Variants in VCP observed in about 807,000 individuals in gnomAD.
VCP encodes the protein transitional endoplasmic reticulum ATPase.
A neutral mutation model predicts 85.7 loss-of-function variants in VCP; 6 were observed. That is an observed-to-expected ratio of 0.07 (90% CI 0.04 to 0.14). The LOEUF (loss-of-function observed/expected upper bound fraction) is 0.14, where lower values mean the gene tolerates loss of function less well. Ranked by LOEUF, VCP falls within the 10% of genes least tolerant of loss-of-function variation. VCP has a pLI of 1.00. For synonymous variants in VCP, 384 were observed against 367.1 expected, an observed-to-expected ratio of 1.05 and a Z score of -0.53; for missense variants, 353 against 1,043.4, an observed-to-expected ratio of 0.34 and a Z score of 9.12.
At position 35,059,872 on chromosome 9, in the gene VCP, C is replaced by A; in HGVS notation, c.1696-71G>T. The A allele has an allele frequency of 5.6e-6, 9 of 1,600,208 alleles. No homozygotes were observed. The highest frequency in any genetic ancestry group is 7.7e-6 in the Non-Finnish European group (9 of 1,169,308). On this transcript the variant is annotated intron_variant, in intron 13 of 16. Transcript: ENST00000358901. This position sits in a 1 kb window ranked among gnomAD's most constrained non-coding sequence, Gnocchi z 4.9. ...CTCTAGGCAAACGTGGTGGCTCACA[C>A]CTGTATTCCCAGCACTTTGGGAGGC...
chr9:35,064,342 TGA>T lies in VCP; in HGVS notation c.577-59_577-58del. 3.1e-6 allele frequency: 5 copies of T among 1,606,200 alleles called. No individual in the cohort carries two copies. The South Asian group carries it at 4.4e-5, about 14-fold the overall frequency. On this transcript the variant is annotated intron_variant, in intron 5 of 16. Coordinates refer to ENST00000358901, the MANE Select transcript of VCP (RefSeq NM_007126.5). ...GCAAGAATATTATATCAGCAAAAGCTGAGTTTCTCTAAATCATTCCACTACCT... is the reference window on the plus strand; with the variant it reads ...GCAAGAATATTATATCAGCAAAAGCTGTTTCTCTAAATCATTCCACTACCT...
chr9:35,072,217 T>G (rs1448806940), intron 1 of VCP, 120 bp downstream of exon 1: 5 of 1,449,266 alleles, frequency 3.5e-6, no homozygotes, highest in Non-Finnish European at 9.1e-7. Flanking sequence ...TAGCTTCCCT[T>G]CCCTCTTTCC....
intron 1 of VCP, 27 bp downstream of exon 1, chr9:35,072,310 G>A (rs1305305231): frequency 1.3e-6 from 2 of 1,483,586 alleles, no homozygotes; most frequent in East Asian, 2.8e-5. Flanking sequence ...CGCCGCCGCA[G>A]CAAGCGAACG....
chr9:35,071,300 T>G (rs905912413), intron 1 of VCP, among the ~76,000 whole-genome samples: 18 of 30,490 alleles, frequency 5.9e-4, no homozygotes, highest in Non-Finnish European at 1.4e-3. Context: ...TGTGTTTTTT[T>G]TTTTTTTTTT....
At chr9:35,069,130 A>G (rs1828889807) in intron 1 of VCP, among the ~76,000 whole-genome samples, 1 of 152,220 alleles carries the variant, frequency 6.6e-6, no homozygotes. Context: ...AAGGAATGCC[A>G]AGCATAAAGA....
Position 35,061,559 on chromosome 9 carries a change from CCAT to C in VCP, c.1194+15_1194+17del, listed in dbSNP as rs886038581. On this transcript the variant is annotated intron_variant, in intron 10 of 16. Transcript: ENST00000358901. The stretch of plus-strand genomic sequence containing the variant: ...TAGAGACACTGTAACGCCTGGTCAG[CCAT>C]CATCATCACTTCACCTGTTCCAGGT... 43 of 1,609,480 alleles carry C rather than the reference CCAT, an allele frequency of 2.7e-5. 1 individual carries two copies. The Middle Eastern group carries it at 5.9e-3, about 223-fold the overall frequency.
chr9:35,059,601 G>C lies in VCP; in HGVS notation c.1896C>G (p.Ala632=), dbSNP rs141275388. The C allele has an allele frequency of 6.2e-6, 10 of 1,614,048 alleles. No homozygotes were observed. The African/African-American group carries it at 1.3e-4, about 22-fold the overall frequency. The change falls in exon 14 of 17, where the codon GCC becomes GCG. Residue 632 remains alanine (A), a synonymous_variant. Coordinates refer to ENST00000358901, the MANE Select transcript of VCP (RefSeq NM_007126.5). This position sits in a 1 kb window ranked among gnomAD's most constrained non-coding sequence, Gnocchi z 4.9. ...GATCAAGACGGCCAGGTCTGAGGATGGCAGGATCAATGATGTCAGGCCGGT... is the reference window on the plus strand; with the variant it reads ...GATCAAGACGGCCAGGTCTGAGGATCGCAGGATCAATGATGTCAGGCCGGT... ...ATNRPDIIDP[A]ILRPGRLDQL...
rs1179577105 is a variant in VCP at position 35,057,691 on chromosome 9, TA to T, written c.2161-162del. ...CCTAAAATTGAGTCACTGCTCTGCT[TA>T]AAAACTTGTCAATGCACTCTGGAAA... is the stretch of plus-strand genomic sequence containing the variant. On this transcript the variant is annotated intron_variant, in intron 15 of 16. Transcript: ENST00000358901. The T allele has an allele frequency of 5.3e-6, 5 of 937,686 alleles. No individual in the cohort carries two copies. In the Admixed American group the frequency reaches 9.2e-5, roughly 17 times the overall value. 58.1% of individuals were successfully genotyped at this position (937,686 alleles called of 1,614,324 possible).
rs139707968 is a variant in VCP at position 35,058,887 on chromosome 9, G to A, written c.2160+177C>T. On this transcript the variant is annotated intron_variant, in intron 15 of 16. Coordinates refer to ENST00000358901, the MANE Select transcript of VCP (RefSeq NM_007126.5). ...GAATGGAGCCTGACCATCTCTTCTC[G>A]GCCTTATTCCAAATTGAATGGATTC... Among the ~76,000 whole-genome samples, 90 of 152,226 alleles carry A rather than the reference G, an allele frequency of 5.9e-4. 1 individual carries two copies. The South Asian group carries it at 0.017, about 29-fold the overall frequency.
At position 35,057,533 on chromosome 9, in the gene VCP, A is replaced by G. The variant is rs748644456; in HGVS notation, c.2161-3T>C. ...ACTGGATCATCCTCTTCTACCTCCTATAGTTGGTAAACACAGATCACTAGG... is the reference window on the plus strand; with the variant it reads ...ACTGGATCATCCTCTTCTACCTCCTGTAGTTGGTAAACACAGATCACTAGG... On this transcript the variant is annotated splice_region_variant and splice_polypyrimidine_tract_variant and intron_variant, in intron 15 of 16. Transcript: ENST00000358901. 8.1e-6 allele frequency: 13 copies of G among 1,608,024 alleles called. No individual in the cohort carries two copies. The highest frequency in any genetic ancestry group is 1.1e-5 in the Non-Finnish European group (13 of 1,179,998).
intron 12 of VCP, 49 bp downstream of exon 12, chr9:35,060,752 A>T (rs749598999): frequency 1.2e-6 from 2 of 1,613,914 alleles, no homozygotes; most frequent in Non-Finnish European, 1.7e-6. Context: ...CACCCAGATC[A>T]ATTACAATGT....
chr9:35,068,396 T>C (rs1234282574), intron 1 of VCP, 34 bp from the exon 2 acceptor site: 23 of 1,572,064 alleles, frequency 1.5e-5, no homozygotes, highest in Non-Finnish European at 1.9e-5. Flanking sequence ...TAGATACTCC[T>C]GCCCCAAGCG....
Position 35,059,757 on chromosome 9 carries a change from A to G in VCP, c.1740T>C (p.Asp580=). ...APCVLFFDEL[D]SIAKARGGNI... is the part of the protein sequence containing the mutation. The stretch of plus-strand genomic sequence containing the variant: ...TACCTCCACGAGCCTTGGCAATCGA[A>G]TCCAGCTCATCAAAGAATAGCACAC... Residue 580 remains aspartate, a synonymous_variant, in exon 14 of 17, where the codon GAT becomes GAC. Transcript: ENST00000358901. The surrounding 1 kb of genome is among the most constrained non-coding windows in gnomAD (Gnocchi z 4.9). The G allele has an allele frequency of 5.0e-6, 8 of 1,614,166 alleles. No individual in the cohort carries two copies. Among genetic ancestry groups the G allele is most frequent in the Non-Finnish European group, 6.8e-6 (8 of 1,180,044 alleles).
At chr9:35,072,194 C>A in intron 1 of VCP, 143 bp downstream of exon 1, 3 of 1,431,934 alleles carry the variant, frequency 2.1e-6, no homozygotes, top group Non-Finnish European at 1.8e-6. Context: ...TCCACGGCCC[C>A]TCACTCGCCC....
At chr9:35,066,254 G>T (rs1312466414) in intron 4 of VCP, among the ~76,000 whole-genome samples, 3 of 140,470 alleles carry the variant, frequency 2.1e-5, no homozygotes, top group African/African-American at 8.0e-5. Flanking sequence ...ATCATAGTGA[G>T]ACCCTGTCTC....
intron 1 of VCP, chr9:35,072,016 G>C: frequency 8.7e-7 from 1 of 1,151,262 alleles, no homozygotes; most frequent in South Asian, 2.7e-5. Context: ...CGGCGGAGTG[G>C]GCCGGAAGAC....
Position 35,059,020 on chromosome 9 carries a change from G to T in VCP, c.2160+44C>A. 6.2e-7 allele frequency: 1 copy of T among 1,611,656 alleles called. No individual in the cohort carries two copies. The highest frequency in any genetic ancestry group is 8.5e-7 in the Non-Finnish European group (1 of 1,179,792). On this transcript the variant is annotated intron_variant, in intron 15 of 16. Transcript: ENST00000358901. The surrounding 1 kb of genome is among the most constrained non-coding windows in gnomAD (Gnocchi z 4.9). ...CAGGGCATGGTGGTGGCTGCTGCCT[G>T]GCTCTCCATGATTGGCACATCTGGG...
intron 5 of VCP, 112 bp from the exon 6 acceptor site, chr9:35,064,397 G>A: frequency 1.4e-6 from 2 of 1,426,664 alleles, no homozygotes; most frequent in Non-Finnish European, 1.9e-6. Flanking sequence ...CGTATAAGAA[G>A]ATTCTCAACC....
Position 35,065,287 on chromosome 9 carries a change from T to C in VCP, c.540A>G (p.Thr180=). 6.2e-7 allele frequency: 1 copy of C among 1,614,226 alleles called. No individual in the cohort carries two copies. Residue 180 remains threonine (T), a synonymous_variant, in exon 5 of 17, where the codon ACA becomes ACG. Transcript: ENST00000358901. ...PSPYCIVAPD[T]VIHCEGEPIK... ...TAGGCTCCCCTTCGCAGTGGATCAC[T>C]GTGTCTGGAGCAACAATGCAATAAG...
Sources: gnomAD v4.1 joint callset for allele counts (sites outside exome capture counted in the v4.1 genomes callset) on GRCh38, gnomAD v4.1.1 for gene constraint, Gnocchi (gnomAD v3.1) non-coding constraint, MANE v1.5 for transcripts, NCBI Gene and HGNC (gene_info 2026-07-23, HGNC 2026-07-21) for gene names.